Variants in ZFPM2 observed in about 807,000 individuals in gnomAD.
ZFPM2 encodes zinc finger protein, FOG family member 2.
ZFPM2 carries 20 observed loss-of-function variants against 98.6 expected under a neutral mutation model. The observed-to-expected ratio is 0.20, with a 90% CI of 0.14 to 0.29. The LOEUF (loss-of-function observed/expected upper bound fraction) is 0.29. ZFPM2 is among the 10% of genes least tolerant of loss of function. ZFPM2 has a pLI of 1.00. For missense variants in ZFPM2, 1,310 were observed against 1,388.6 expected, an observed-to-expected ratio of 0.94 and a Z score of 0.90; for synonymous variants, 518 against 502.7, an observed-to-expected ratio of 1.03 and a Z score of -0.41.
At chr8:105,722,207 C>T (rs1216883399) in intron 5 of ZFPM2, among the ~76,000 whole-genome samples, 1 of 151,756 alleles carries the variant, frequency 6.6e-6, no homozygotes, top group Admixed American at 6.6e-5. Context: ...TTTCTTTCTT[C>T]CTTCCCCACC....
intron 1 of ZFPM2, among the ~76,000 whole-genome samples, chr8:105,330,540 A>G (rs73697320): frequency 2.5e-5 from 2 of 80,398 alleles, no homozygotes; most frequent in Admixed American, 1.3e-4. Flanking sequence ...CTCTCTCTCT[A>G]TATATATATA....
intron 1 of ZFPM2, among the ~76,000 whole-genome samples, chr8:105,393,337 C>CTGTCTTTCTTTCTTTCTTT (rs1554600680): frequency 6.5e-4 from 75 of 114,838 alleles, no homozygotes; most frequent in African/African-American, 2.2e-3. Context: ...TCTCTCTTTG[C>CTGTCTTTCTTTCTTTCTTT]CTTTCTTTCT....
intron 3 of ZFPM2, among the ~76,000 whole-genome samples, chr8:105,548,618 T>A (rs1444822715): frequency 6.6e-6 from 1 of 152,142 alleles, no homozygotes; most frequent in East Asian, 1.9e-4. Context: ...ACATTCTATT[T>A]GTTCATTTTT....
intron 3 of ZFPM2, among the ~76,000 whole-genome samples, chr8:105,551,487 T>C (rs922854702): frequency 1.3e-5 from 2 of 152,186 alleles, no homozygotes; most frequent in African/African-American, 4.8e-5. Flanking sequence ...AATAAAAATT[T>C]AAAAATCTGT....
chr8:105,769,111 C>T (rs1812925341), intron 5 of ZFPM2, among the ~76,000 whole-genome samples: 1 of 152,024 alleles, frequency 6.6e-6, no homozygotes, highest in South Asian at 2.1e-4. Flanking sequence ...AGTTTGCTGT[C>T]TATCAGGATG....
chr8:105,668,163 G>A (rs1340967783), intron 5 of ZFPM2, among the ~76,000 whole-genome samples: 14 of 152,198 alleles, frequency 9.2e-5, no homozygotes, highest in Non-Finnish European at 2.1e-4. Context: ...ACGTACCTTA[G>A]GAAGCAGTTG....
At chr8:105,549,759 A>G (rs1814806980) in intron 3 of ZFPM2, among the ~76,000 whole-genome samples, 1 of 151,638 alleles carries the variant, frequency 6.6e-6, no homozygotes, top group South Asian at 2.1e-4. Context: ...CCACAGGCAC[A>G]AGCCACGATG....
intron 5 of ZFPM2, among the ~76,000 whole-genome samples, chr8:105,750,914 C>T (rs1020982751): frequency 2.6e-5 from 4 of 152,066 alleles, no homozygotes; most frequent in African/African-American, 9.7e-5. Context: ...TTTCGTCACC[C>T]AGGATATGTT....
intron 5 of ZFPM2, among the ~76,000 whole-genome samples, chr8:105,774,454 A>G (rs1813052914): frequency 6.6e-6 from 1 of 152,160 alleles, no homozygotes; most frequent in South Asian, 2.1e-4. Flanking sequence ...CCATCAGTGG[A>G]ATTACTGAGC....
At chr8:105,566,623 A>G (rs1815249106) in intron 4 of ZFPM2, among the ~76,000 whole-genome samples, 1 of 152,186 alleles carries the variant, frequency 6.6e-6, no homozygotes, top group South Asian at 2.1e-4. Context: ...AACAGTGATT[A>G]CTTGGAAGGT....
intron 3 of ZFPM2, among the ~76,000 whole-genome samples, chr8:105,461,544 C>T (rs1034250563): frequency 6.6e-6 from 1 of 152,012 alleles, no homozygotes; most frequent in South Asian, 2.1e-4. Context: ...GGTCCTAAAG[C>T]ATTTATTTTT....
At chr8:105,562,307 C>A (rs1240055293) in intron 4 of ZFPM2, among the ~76,000 whole-genome samples, 1 of 145,134 alleles carries the variant, frequency 6.9e-6, no homozygotes, top group Non-Finnish European at 1.5e-5. Context: ...AAGACTCCAT[C>A]TCAAAATAAT....
At chr8:105,605,209 G>A (rs1816172563) in intron 4 of ZFPM2, among the ~76,000 whole-genome samples, 1 of 152,020 alleles carries the variant, frequency 6.6e-6, no homozygotes, top group African/African-American at 2.4e-5. Flanking sequence ...TGTGACCCAG[G>A]TTCAAATCCT....
chr8:105,340,275 T>C (rs1812402565), intron 1 of ZFPM2, among the ~76,000 whole-genome samples: 1 of 151,832 alleles, frequency 6.6e-6, no homozygotes, highest in Admixed American at 6.6e-5. Context: ...CTAAAAATCT[T>C]TGAGGTCAGT....
intron 5 of ZFPM2, among the ~76,000 whole-genome samples, chr8:105,741,207 T>C (rs983832665): frequency 1.3e-5 from 2 of 152,054 alleles, no homozygotes; most frequent in Non-Finnish European, 2.9e-5. Context: ...ATTTTGCTGA[T>C]ATTCAAGTAA....
At chr8:105,596,655 A>G (rs1489404571) in intron 4 of ZFPM2, among the ~76,000 whole-genome samples, 6 of 151,772 alleles carry the variant, frequency 4.0e-5, no homozygotes, top group Admixed American at 3.3e-4. Flanking sequence ...TTTTGTTCCT[A>G]TAAGAATTTA....
chr8:105,574,289 T>A (rs938088389), intron 4 of ZFPM2, among the ~76,000 whole-genome samples: 2 of 152,228 alleles, frequency 1.3e-5, no homozygotes, highest in Admixed American at 1.3e-4. Context: ...ATTTATCATC[T>A]AAGCAGACAG....
At chr8:105,463,778 T>G (rs1025666925) in intron 3 of ZFPM2, among the ~76,000 whole-genome samples, 1 of 152,054 alleles carries the variant, frequency 6.6e-6, no homozygotes, top group Non-Finnish European at 1.5e-5. Context: ...GAAGATAATC[T>G]TATCTCTTCT....
At chr8:105,388,520 T>TG (rs1311934193) in intron 1 of ZFPM2, among the ~76,000 whole-genome samples, 1 of 152,104 alleles carries the variant, frequency 6.6e-6, no homozygotes, top group African/African-American at 2.4e-5. Context: ...AGAAGCCTTC[T>TG]GGGGGGTGAT....
Sources: allele counts gnomAD v4.1 joint callset (sites outside exome capture counted in the v4.1 genomes callset), GRCh38; gene constraint gnomAD v4.1.1; transcripts MANE v1.5; gene names NCBI Gene and HGNC (gene_info 2026-07-23, HGNC 2026-07-21).